MINDY3: variants seen among roughly 807,000 people sequenced by gnomAD.
MINDY3 encodes the protein ubiquitin carboxyl-terminal hydrolase MINDY-3.
MINDY3 carries 38 observed loss-of-function variants against 69.2 expected under a neutral mutation model. That is an observed-to-expected ratio of 0.55 (90% CI 0.42 to 0.72). The LOEUF is 0.72. Among genes scored for constraint, MINDY3 ranks in the 30% least tolerant of loss-of-function variants. MINDY3 has a pLI of 0.00. For synonymous variants in MINDY3, 192 were observed against 180.1 expected (o/e 1.07, Z -0.53); for missense variants, 522 against 519.0 (o/e 1.01, Z -0.06).
intron 10 of MINDY3, among the ~76,000 whole-genome samples, chr10:15,809,114 G>C (rs1035920288): frequency 6.6e-6 from 1 of 152,066 alleles, no homozygotes; most frequent in Non-Finnish European, 1.5e-5. Context: ...AATTAAGAAA[G>C]TGACCCAAAT....
At chr10:15,821,785 A>G (rs1396116426) in intron 8 of MINDY3, 59 bp from the exon 9 acceptor site, 2 of 1,398,772 alleles carry the variant, frequency 1.4e-6, no homozygotes, top group Non-Finnish European at 2.0e-6. Flanking sequence ...TAGTGTGTAT[A>G]AATTTGAAAC....
At chr10:15,854,572 T>A (rs1358819802) in intron 1 of MINDY3, among the ~76,000 whole-genome samples, 1 of 152,072 alleles carries the variant, frequency 6.6e-6, no homozygotes, top group Non-Finnish European at 1.5e-5. Context: ...AGAAGGCTTT[T>A]AAGTTAAACA....
At chr10:15,786,920 A>G (rs946034019) in intron 12 of MINDY3, among the ~76,000 whole-genome samples, 7 of 152,190 alleles carry the variant, frequency 4.6e-5, no homozygotes, top group Non-Finnish European at 5.9e-5. Flanking sequence ...TTTAAAAACC[A>G]AGGTTTATAA....
In MINDY3 at chr10:15,814,530, C is replaced by A. The variant is rs1377671500; in HGVS notation, c.882+2305G>T. 2.7e-5 allele frequency among the ~76,000 whole-genome samples: 4 copies of A among 149,818 alleles called. No homozygotes were observed. In the East Asian group the frequency reaches 5.9e-4, roughly 22 times the overall value. On this transcript the variant is annotated intron_variant, in intron 10 of 14. Coordinates refer to ENST00000277632, the MANE Select transcript of MINDY3 (RefSeq NM_024948.4). Reference sequence around the variant, plus strand: ...ACACAGGTAAGTCTCAAAACAGTAACAATTAGTATAAAATTCAAGAGTTCT... The same window carrying A: ...ACACAGGTAAGTCTCAAAACAGTAAAAATTAGTATAAAATTCAAGAGTTCT...
At chr10:15,821,255 C>T (rs1839737637) in intron 9 of MINDY3, among the ~76,000 whole-genome samples, 1 of 152,168 alleles carries the variant, frequency 6.6e-6, no homozygotes. Flanking sequence ...AGGCATCTGG[C>T]AATTCTTTCT....
intron 5 of MINDY3, 73 bp from the exon 6 acceptor site, chr10:15,837,391 A>C (rs1055231094): frequency 5.7e-5 from 73 of 1,288,372 alleles, no homozygotes; most frequent in Non-Finnish European, 6.9e-5. Context: ...AAAATTTTTA[A>C]ATTTTCTTAT....
chr10:15,856,075 C>T (rs1409171536), intron 1 of MINDY3, among the ~76,000 whole-genome samples: 1 of 151,446 alleles, frequency 6.6e-6, no homozygotes, highest in Non-Finnish European at 1.5e-5. Flanking sequence ...ATGTTAAAAA[C>T]TTCCAAAAAC....
At chr10:15,780,967 C>T (rs1470659776) in intron 14 of MINDY3, among the ~76,000 whole-genome samples, 1 of 152,108 alleles carries the variant, frequency 6.6e-6, no homozygotes, top group Non-Finnish European at 1.5e-5. Context: ...GATGCCTCAT[C>T]TGTAAAATAT....
At chr10:15,824,499 G>C (rs999470735) in intron 8 of MINDY3, among the ~76,000 whole-genome samples, 2 of 152,170 alleles carry the variant, frequency 1.3e-5, no homozygotes, top group Non-Finnish European at 2.9e-5. Context: ...TAAAGGGCAT[G>C]AGATTAAAAG....
Position 15,860,503 on chromosome 10 carries a change from G to A in MINDY3, c.-204C>T. Reference sequence around the variant, plus strand: ...GGGCAGCAGCGAGTTTTCCGTACCGGAAGTGCTGGTGCCACTTCCGACTCC... The same window carrying A: ...GGGCAGCAGCGAGTTTTCCGTACCGAAAGTGCTGGTGCCACTTCCGACTCC... On this transcript the variant is annotated 5_prime_UTR_variant, in exon 1 of 15. Coordinates refer to ENST00000277632, the MANE Select transcript of MINDY3 (RefSeq NM_024948.4). The A allele has an allele frequency of 1.7e-6, 1 of 602,118 alleles. No homozygotes were observed. Among genetic ancestry groups the A allele is most frequent in the Non-Finnish European group, 2.9e-6 (1 of 340,608 alleles). 37.3% of individuals were successfully genotyped at this position (602,118 alleles called of 1,614,324 possible). A position where few individuals can be genotyped will look rare whatever the true frequency, so the allele number is the denominator to read the frequency against.
chr10:15,803,332 T>C (rs1309616631), intron 10 of MINDY3, among the ~76,000 whole-genome samples: 1 of 152,120 alleles, frequency 6.6e-6, no homozygotes, highest in Non-Finnish European at 1.5e-5. Flanking sequence ...GACTAATCCA[T>C]GTAGCAAACT....
intron 8 of MINDY3, among the ~76,000 whole-genome samples, chr10:15,833,142 T>C (rs569647078): frequency 6.6e-6 from 1 of 152,286 alleles, no homozygotes; most frequent in African/African-American, 2.4e-5. Flanking sequence ...AAAGAAATAA[T>C]TGAGACCAGA....
At chr10:15,818,549 C>G (rs776875965) in intron 9 of MINDY3, among the ~76,000 whole-genome samples, 1 of 152,096 alleles carries the variant, frequency 6.6e-6, no homozygotes, top group African/African-American at 2.4e-5. Context: ...AAAATTTGTA[C>G]ATCAATGTTT....
chr10:15,837,429 A>G, intron 5 of MINDY3, 111 bp from the exon 6 acceptor site: 1 of 1,249,658 alleles, frequency 8.0e-7, no homozygotes, highest in African/African-American at 1.5e-5. Flanking sequence ...TACAAACAGG[A>G]AAGTTTTGGG....
chr10:15,803,747 C>G (rs1200894006), intron 10 of MINDY3, among the ~76,000 whole-genome samples: 2 of 152,050 alleles, frequency 1.3e-5, no homozygotes, highest in Non-Finnish European at 1.5e-5. Flanking sequence ...TCTTTACTTC[C>G]AAGAATCTTA....
At chr10:15,840,121 A>G (rs1833362099) in intron 4 of MINDY3, among the ~76,000 whole-genome samples, 1 of 151,710 alleles carries the variant, frequency 6.6e-6, no homozygotes, top group Non-Finnish European at 1.5e-5. Context: ...AATCTTTAAA[A>G]TACCTTTTCA....
In MINDY3 at chr10:15,815,664, AATG is replaced by A. The variant is rs953201613; in HGVS notation, c.882+1168_882+1170del. 5.9e-5 allele frequency among the ~76,000 whole-genome samples: 9 copies of A among 152,120 alleles called. No homozygotes were observed. The South Asian group carries it at 1.0e-3, about 18-fold the overall frequency. On this transcript the variant is annotated intron_variant, in intron 10 of 14. Coordinates refer to ENST00000277632, the MANE Select transcript of MINDY3 (RefSeq NM_024948.4). ...TAACGTATGTTTCTTGAATACTAAA[AATG>A]ATGATGATGATGATGATGACGATGA...
chr10:15,807,414 G>A (rs185122036), intron 10 of MINDY3, among the ~76,000 whole-genome samples: 3 of 152,292 alleles, frequency 2.0e-5, no homozygotes, highest in East Asian at 1.9e-4. Flanking sequence ...TTTGATAAGC[G>A]TATTCTGGGC....
At chr10:15,782,478 T>C in intron 13 of MINDY3, 1 of 280,314 alleles carries the variant, frequency 3.6e-6, no homozygotes, top group Non-Finnish European at 6.6e-6. Flanking sequence ...AACTAACTTA[T>C]TTTTTTTTTA....
Sources: gnomAD v4.1 joint callset for allele counts (sites outside exome capture counted in the v4.1 genomes callset) on GRCh38, gnomAD v4.1.1 for gene constraint, MANE v1.5 for transcripts, NCBI Gene and HGNC (gene_info 2026-07-23, HGNC 2026-07-21) for gene names.